PCTP: variants seen among roughly 807,000 people sequenced by gnomAD.
PCTP encodes the protein phosphatidylcholine transfer protein, also known as START domain-containing protein 2.
Under a neutral mutation model 31.0 loss-of-function variants are expected in PCTP, and 27 were observed. The ratio of observed to expected loss-of-function variants is 0.87; its 90% CI spans 0.64 to 1.20. PCTP has a LOEUF of 1.20. Among genes scored for constraint, PCTP ranks in the 50% most tolerant of loss-of-function variants. The probability of loss-of-function intolerance (pLI) is 0.00; values close to 1 mark genes in which losing one functional copy is unlikely to be tolerated. For missense variants in PCTP, 287 were observed against 268.2 expected (o/e 1.07, Z -0.49); for synonymous variants, 108 against 101.2 (o/e 1.07, Z -0.40).
intron 2 of PCTP, 91 bp downstream of exon 2, chr17:55,767,543 CA>C (rs1910738397): frequency 1.3e-6 from 1 of 779,748 alleles, no homozygotes; most frequent in Non-Finnish European, 2.1e-6. Flanking sequence ...CAGCTCACCG[CA>C]ATCTCCGCCT....
chr17:55,776,959 A>C lies in PCTP; in HGVS notation c.*859A>C, dbSNP rs183437034. On this transcript the variant is annotated 3_prime_UTR_variant, in exon 6 of 6. Coordinates refer to ENST00000268896, the MANE Select transcript of PCTP (RefSeq NM_021213.4). ...TGCTTTGTGCATAGCCTTGTGAAAA[A>C]GTATCTTTCTATGCAATAAGATGAA... 1.0e-6 allele frequency: 1 copy of C among 986,072 alleles called. No homozygotes were observed. The highest frequency in any genetic ancestry group is 1.2e-6 in the Non-Finnish European group (1 of 830,346). The allele number at this position is 986,072 out of a possible 1,614,324, so 61.1% of individuals were successfully genotyped here.
intron 1 of PCTP, among the ~76,000 whole-genome samples, chr17:55,761,345 G>T (rs1398981872): frequency 6.6e-6 from 1 of 151,916 alleles, no homozygotes; most frequent in Non-Finnish European, 1.5e-5. Context: ...CAAAATACAT[G>T]ACTTTTGTTG....
chr17:55,769,658 A>G (rs1409735546), intron 2 of PCTP: 2 of 152,132 alleles, frequency 1.3e-5, no homozygotes, highest in South Asian at 2.1e-4. Context: ...TGGAAATCTC[A>G]CTCTGGTCCA....
chr17:55,805,174 TCTC>T (rs1369381713), intron 3 of PCTP, among the ~76,000 whole-genome samples: 1 of 152,196 alleles, frequency 6.6e-6, no homozygotes, highest in Non-Finnish European at 1.5e-5. Flanking sequence ...GAAGTATACA[TCTC>T]CTCATTATCA....
chr17:55,837,952 T>G (rs1905830807), intron 5 of PCTP, among the ~76,000 whole-genome samples: 1 of 151,924 alleles, frequency 6.6e-6, no homozygotes, highest in African/African-American at 2.4e-5. Flanking sequence ...GCCTGGGAAA[T>G]ATAGAAAGAC....
chr17:55,811,676 G>A lies in PCTP; in HGVS notation c.318-11085G>A, dbSNP rs1307046154. Among the ~76,000 whole-genome samples, 7 of 152,314 alleles carry A rather than the reference G, an allele frequency of 4.6e-5. No homozygotes were observed. The Middle Eastern group carries it at 0.014, about 296-fold the overall frequency. Reference sequence around the variant, plus strand: ...ACTTCCACAGTCCAGCTGGGATGTCGTCACTGTGGTTCCAAAACACACTTG... The same window carrying A: ...ACTTCCACAGTCCAGCTGGGATGTCATCACTGTGGTTCCAAAACACACTTG... On this transcript the variant is annotated intron_variant, in intron 3 of 3. Transcript: ENST00000572536.
intron 1 of PCTP, among the ~76,000 whole-genome samples, chr17:55,752,609 G>A (rs1219165395): frequency 6.6e-6 from 1 of 152,224 alleles, no homozygotes; most frequent in Non-Finnish European, 1.5e-5. Flanking sequence ...TAGTGGGACT[G>A]TAAAACATGC....
chr17:55,801,765 A>G (rs1912392467), intron 3 of PCTP, among the ~76,000 whole-genome samples: 1 of 152,228 alleles, frequency 6.6e-6, no homozygotes. Flanking sequence ...GAAAGTGGGC[A>G]AGATCTAAGA....
downstream of PCTP, chr17:55,777,500 C>A: frequency 1.4e-6 from 1 of 715,456 alleles, no homozygotes; most frequent in Non-Finnish European, 1.7e-6. Context: ...TAATTTTGGG[C>A]TTACTTATAT....
chr17:55,786,144 C>T (rs928437035), intron 2 of PCTP, among the ~76,000 whole-genome samples: 4 of 151,684 alleles, frequency 2.6e-5, no homozygotes, highest in African/African-American at 7.3e-5. Context: ...ATTAGCTAGG[C>T]GTGGTGGCGC....
At chr17:55,828,446 G>A (rs1905478929) in intron 5 of PCTP, among the ~76,000 whole-genome samples, 1 of 152,070 alleles carries the variant, frequency 6.6e-6, no homozygotes, top group African/African-American at 2.4e-5. Context: ...ATCTTAATAT[G>A]GCTGTCTTCC....
Position 55,751,076 on chromosome 17 carries a change from C to G in PCTP, c.-28C>G, listed in dbSNP as rs981176158. 11 of 1,504,978 alleles carry G rather than the reference C, an allele frequency of 7.3e-6. No individual in the cohort carries two copies. Among genetic ancestry groups the G allele is most frequent in the Non-Finnish European group, 9.7e-6 (11 of 1,128,448 alleles). 93.2% of individuals were successfully genotyped at this position (1,504,978 alleles called of 1,614,324 possible). A position where few individuals can be genotyped will look rare whatever the true frequency, so the allele number is the denominator to read the frequency against. The stretch of plus-strand genomic sequence containing the variant: ...CTAAGGGTGTCCGCGGCCTGCCCTC[C>G]AGGCGGAGGAGCCCGGACTGCGGAA... On this transcript the variant is annotated 5_prime_UTR_variant, in exon 1 of 6. Transcript: ENST00000268896.
intron 3 of PCTP, among the ~76,000 whole-genome samples, chr17:55,818,075 A>G (rs1345159725): frequency 6.6e-6 from 1 of 152,208 alleles, no homozygotes; most frequent in African/African-American, 2.4e-5. Context: ...TGGGTCAGAA[A>G]GACTTTTCAT....
intron 3 of PCTP, among the ~76,000 whole-genome samples, chr17:55,796,253 T>C (rs1475997395): frequency 6.6e-6 from 1 of 152,046 alleles, no homozygotes; most frequent in Non-Finnish European, 1.5e-5. Context: ...GCTATTAGTT[T>C]ATTTTGTAAG....
downstream of PCTP, among the ~76,000 whole-genome samples, chr17:55,823,911 A>G (rs1905311200): frequency 6.6e-6 from 1 of 152,026 alleles, no homozygotes; most frequent in Admixed American, 6.5e-5. Context: ...GTGCTGCATA[A>G]CTCCCTATTG....
chr17:55,802,924 T>C (rs117312471), intron 3 of PCTP, among the ~76,000 whole-genome samples: 6,232 of 152,278 alleles, frequency 0.041, 168 homozygotes, highest in Non-Finnish European at 0.06. Context: ...AAATTGTCTC[T>C]ATTTGCAGAT....
intron 1 of PCTP, among the ~76,000 whole-genome samples, chr17:55,757,767 G>A (rs775479765): frequency 6.6e-6 from 1 of 152,168 alleles, no homozygotes; most frequent in Non-Finnish European, 1.5e-5. Flanking sequence ...GGTGGATGGG[G>A]AGCATCTAGC....
downstream of PCTP, among the ~76,000 whole-genome samples, chr17:55,844,400 C>T (rs190492317): frequency 5.2e-4 from 79 of 152,282 alleles, no homozygotes; most frequent in Admixed American, 8.5e-4. Context: ...TACTGCTTGT[C>T]CAAACTTTCC....
At chr17:55,845,237 C>T (rs1194339441), downstream of PCTP, among the ~76,000 whole-genome samples, 4 of 152,102 alleles carry the variant, frequency 2.6e-5, no homozygotes, top group Non-Finnish European at 4.4e-5. Context: ...GCCTTCAGCT[C>T]AGCCAATAGG....
Sources: allele counts gnomAD v4.1 joint callset (sites outside exome capture counted in the v4.1 genomes callset), GRCh38; gene constraint gnomAD v4.1.1; transcripts MANE v1.5; gene names NCBI Gene and HGNC (gene_info 2026-07-23, HGNC 2026-07-21).